Variants in KPNA5 observed in about 807,000 individuals in gnomAD.
KPNA5 encodes the protein importin subunit alpha-6.
KPNA5 carries 46 observed loss-of-function variants against 71.3 expected under a neutral mutation model. The observed-to-expected ratio is 0.65, with a 90% CI of 0.51 to 0.83. The LOEUF (loss-of-function observed/expected upper bound fraction) is 0.83. Ranked by LOEUF, KPNA5 falls within the 40% of genes least tolerant of loss-of-function variation. KPNA5 has a pLI of 0.00. For synonymous variants in KPNA5, 207 were observed against 201.4 expected (o/e 1.03, Z -0.24); for missense variants, 547 against 628.3 (o/e 0.87, Z 1.38).
intron 2 of KPNA5, among the ~76,000 whole-genome samples, chr6:116,690,362 AAAG>A (rs1404890101): frequency 2.0e-5 from 3 of 152,240 alleles, no homozygotes; most frequent in Admixed American, 2.0e-4. Context: ...TTTACATATT[AAAG>A]AAGAACAGGC....
rs541620183 is a variant in KPNA5, at chr6:116,723,475, G to A, written c.921-822G>A. ...GGAGAAATGACTGGTTTCAGGACTG[G>A]GACTGAGAAAAATGTAAGATGAATG... On this transcript the variant is annotated intron_variant, in intron 9 of 13. Coordinates refer to ENST00000368564, the MANE Select transcript of KPNA5 (RefSeq NM_001366306.2). Among the ~76,000 whole-genome samples, 182 of 152,212 alleles carry A rather than the reference G, an allele frequency of 1.2e-3. 1 individual carries two copies. The highest frequency in any genetic ancestry group is 2.0e-3 in the Non-Finnish European group (133 of 68,010).
chr6:116,697,737 A>G (rs1360228180), intron 4 of KPNA5, among the ~76,000 whole-genome samples: 1 of 152,060 alleles, frequency 6.6e-6, no homozygotes, highest in Non-Finnish European at 1.5e-5. Context: ...TAACATAGTA[A>G]TATACAATTT....
rs753267951 is a variant in KPNA5 at position 116,698,739 on chromosome 6, C to T, written c.376C>T (p.Pro126Ser). 2.5e-6 allele frequency: 4 copies of T among 1,599,546 alleles called. No homozygotes were observed. The highest frequency in any genetic ancestry group is 2.3e-5 in the East Asian group (1 of 43,962). ...NPPIDQVIQKPGVVQRFVKFL... is the reference protein window; with the variant it reads ...NPPIDQVIQKSGVVQRFVKFL... ...ACCAATAGATCAAGTTATACAGAAA[C>T]CAGGAGTTGTACAGAGATTTGTGAA... Residue 126 changes from proline (P) to serine (S), a missense_variant, in exon 5 of 14, where the codon CCA becomes TCA. Physicochemically the swap from Pro to Ser is moderately conservative, Grantham distance 74. Coordinates refer to ENST00000368564, the MANE Select transcript of KPNA5 (RefSeq NM_001366306.2).
chr6:116,713,111 A>G (rs946828004), intron 7 of KPNA5, among the ~76,000 whole-genome samples: 4 of 152,162 alleles, frequency 2.6e-5, no homozygotes, highest in African/African-American at 4.8e-5. Context: ...ATTACAAACC[A>G]AAAAATCCAT....
chr6:116,732,074 T>TTTTATATATATA (rs1463339776), intron 13 of KPNA5, 62 bp from the exon 14 acceptor site: 895 of 67,644 alleles, frequency 0.013, 113 homozygotes, highest in Non-Finnish European at 0.018. Context: ...AACAGTTTGT[T>TTTTATATATATA]TATATATATA....
chr6:116,715,264 A>G (rs1778843503), intron 7 of KPNA5, among the ~76,000 whole-genome samples: 1 of 152,052 alleles, frequency 6.6e-6, no homozygotes, highest in East Asian at 1.9e-4. Flanking sequence ...TTGCATGCCA[A>G]ATTTTGATGT....
chr6:116,703,441 C>T (rs1160627316), intron 6 of KPNA5, among the ~76,000 whole-genome samples: 2 of 151,706 alleles, frequency 1.3e-5, no homozygotes, highest in Admixed American at 1.3e-4. Context: ...TTTTATATTT[C>T]TAATAGAGAT....
Position 116,735,068 on chromosome 6 carries a change from AC to A in KPNA5, c.*2746del, listed in dbSNP as rs1779623223. The A allele has an allele frequency of 6.6e-6, 1 of 151,620 alleles. No homozygotes were observed. The highest frequency in any genetic ancestry group is 2.4e-5 in the African/African-American group (1 of 41,374). 9.4% of individuals were successfully genotyped at this position (151,620 alleles called of 1,614,324 possible). On this transcript the variant is annotated 3_prime_UTR_variant, in exon 14 of 14. Transcript: ENST00000368564. ...TTGACTCACTGGGTGTGGTCTTTTT[AC>A]TGTGTTTTATTTCAAAACGTTGTTT...
At chr6:116,718,266 C>CTTTT (rs555910312) in intron 8 of KPNA5, among the ~76,000 whole-genome samples, 1 of 138,022 alleles carries the variant, frequency 7.2e-6, no homozygotes, top group African/African-American at 2.7e-5. Flanking sequence ...TTTTTTTTTT[C>CTTTT]TTTTTTTTTT....
At position 116,741,470 on chromosome 6, in the gene KPNA5, T is replaced by G. The variant is rs1364779818; in HGVS notation, c.*9147T>G. 6.6e-6 allele frequency: 1 copy of G among 152,186 alleles called. No homozygotes were observed. Among genetic ancestry groups the G allele is most frequent in the Non-Finnish European group, 1.5e-5 (1 of 68,032 alleles). 9.4% of individuals were successfully genotyped at this position (152,186 alleles called of 1,614,324 possible). ...GAATTTTAACAAAATAGTTGAAACT[T>G]ATTTGAAAATATTTTCCCTTTGGTC... On this transcript the variant is annotated 3_prime_UTR_variant, in exon 14 of 14. Coordinates refer to ENST00000368564, the MANE Select transcript of KPNA5 (RefSeq NM_001366306.2).
chr6:116,704,898 A>G (rs1392334449), intron 6 of KPNA5, among the ~76,000 whole-genome samples, 174 bp from the exon 7 acceptor site: 2 of 152,150 alleles, frequency 1.3e-5, no homozygotes, highest in African/African-American at 2.4e-5. Flanking sequence ...TAAATGTCCT[A>G]TCTTTCAATT....
At chr6:116,722,105 A>G (rs764198534) in intron 8 of KPNA5, 21 bp from the exon 9 acceptor site, 47 of 1,465,604 alleles carry the variant, frequency 3.2e-5, no homozygotes, top group Non-Finnish European at 4.2e-5. Context: ...AAATTTAAAT[A>G]TGCTCTTTCT....
chr6:116,695,861 A>T (rs968379790), intron 4 of KPNA5, among the ~76,000 whole-genome samples: 1 of 152,070 alleles, frequency 6.6e-6, no homozygotes, highest in Non-Finnish European at 1.5e-5. Context: ...CTGATAACAG[A>T]ATTTCTTTAG....
chr6:116,702,253 G>A (rs1230851840), intron 6 of KPNA5, 103 bp downstream of exon 6: 3 of 1,184,552 alleles, frequency 2.5e-6, no homozygotes, highest in Non-Finnish European at 3.6e-6. Context: ...TCTAATTGCT[G>A]TATATTGCAT....
At chr6:116,725,704 G>T in intron 10 of KPNA5, 47 bp from the exon 11 acceptor site, 1 of 1,479,536 alleles carries the variant, frequency 6.8e-7, no homozygotes, top group Non-Finnish European at 9.3e-7. Context: ...TTTTCATATA[G>T]GTTATTTACT....
chr6:116,738,481 T>A lies in KPNA5; in HGVS notation c.*6158T>A, dbSNP rs1489884597. ...TTCCAATCAATAGAAAAAGAGGGAA[T>A]CCTCCCTAACTCATTTTCTGAGGCC... On this transcript the variant is annotated 3_prime_UTR_variant, in exon 14 of 14. Transcript: ENST00000368564. The A allele has an allele frequency of 1.3e-5, 2 of 152,028 alleles. No homozygotes were observed. The highest frequency in any genetic ancestry group is 4.8e-5 in the African/African-American group (2 of 41,376). 9.4% of individuals were successfully genotyped at this position (152,028 alleles called of 1,614,324 possible). A position where few individuals can be genotyped will look rare whatever the true frequency, so the allele number is the denominator to read the frequency against.
At position 116,729,158 on chromosome 6, in the gene KPNA5, C is replaced by CGTGTGTGTGTGT. The variant is rs150925835; in HGVS notation, c.1254-374_1254-363dup. Among the ~76,000 whole-genome samples, 338 of 112,152 alleles carry CGTGTGTGTGTGT rather than the reference C, an allele frequency of 3.0e-3. 2 individuals carry two copies. Among genetic ancestry groups the CGTGTGTGTGTGT allele is most frequent in the East Asian group, 7.1e-3 (25 of 3,540 alleles). The allele number at this position is 112,152 out of a possible 152,430, so 73.6% of individuals were successfully genotyped here. Reference sequence around the variant, plus strand: ...TTTCTGTCTACCCCCATATGACCTCCGTGTGTGTGTGTGTGTGTGTGTGTG... The same window carrying CGTGTGTGTGTGT: ...TTTCTGTCTACCCCCATATGACCTCCGTGTGTGTGTGTGTGTGTGTGTGTGTGTGTGTGTGTG... On this transcript the variant is annotated intron_variant, in intron 12 of 13. Transcript: ENST00000368564.
intron 8 of KPNA5, among the ~76,000 whole-genome samples, chr6:116,717,017 C>T (rs2114469699): frequency 6.6e-6 from 1 of 152,102 alleles, no homozygotes; most frequent in South Asian, 2.1e-4. Context: ...GACACAAACT[C>T]AAGAGTTGAG....
At chr6:116,696,716 T>A (rs190820717) in intron 4 of KPNA5, among the ~76,000 whole-genome samples, 1 of 152,246 alleles carries the variant, frequency 6.6e-6, no homozygotes, top group African/African-American at 2.4e-5. Flanking sequence ...CCCCCTATAC[T>A]ACTTATTGCC....
Sources: gnomAD v4.1 joint callset for allele counts (sites outside exome capture counted in the v4.1 genomes callset) on GRCh38, gnomAD v4.1.1 for gene constraint, MANE v1.5 for transcripts, NCBI Gene and HGNC (gene_info 2026-07-23, HGNC 2026-07-21) for gene names.